SLC12A6: variants seen among roughly 807,000 people sequenced by gnomAD.
SLC12A6 encodes the protein K-Cl cotransporter 3.
In SLC12A6, 66 loss-of-function variants were observed where a neutral mutation model predicts 135.3. The ratio of observed to expected loss-of-function variants is 0.49; its 90% CI spans 0.40 to 0.60. The LOEUF (loss-of-function observed/expected upper bound fraction) is 0.60. SLC12A6 is among the 20% of genes least tolerant of loss of function. The probability of loss-of-function intolerance (pLI) is 0.00; values close to 1 mark genes in which losing one functional copy is unlikely to be tolerated. For synonymous variants in SLC12A6, 513 were observed against 508.8 expected (o/e 1.01, Z -0.11); for missense variants, 1,058 against 1,452.3 (o/e 0.73, Z 4.41).
chr15:34,242,744 T>C (rs900195684), intron 16 of SLC12A6, among the ~76,000 whole-genome samples: 1 of 152,082 alleles, frequency 6.6e-6, no homozygotes, highest in Non-Finnish European at 1.5e-5. Flanking sequence ...GAAAAATTAT[T>C]TTTGGGCCGG....
At chr15:34,301,199 C>G (rs1896233959) in intron 2 of SLC12A6, among the ~76,000 whole-genome samples, 1 of 152,098 alleles carries the variant, frequency 6.6e-6, no homozygotes, top group Non-Finnish European at 1.5e-5. Context: ...GAACTCCTGA[C>G]CTCAGGTGAG....
At chr15:34,265,714 G>C (rs543278065) in intron 3 of SLC12A6, among the ~76,000 whole-genome samples, 1 of 152,314 alleles carries the variant, frequency 6.6e-6, no homozygotes, top group Non-Finnish European at 1.5e-5. Context: ...GCTCTTGTGA[G>C]CTGGTATAAG....
At chr15:34,332,938 G>A (rs1889952220) in intron 2 of SLC12A6, among the ~76,000 whole-genome samples, 1 of 152,098 alleles carries the variant, frequency 6.6e-6, no homozygotes, top group South Asian at 2.1e-4. Flanking sequence ...AAAGTCAGGA[G>A]GCCTGAACTT....
At chr15:34,323,261 G>A (rs188751118) in intron 2 of SLC12A6, among the ~76,000 whole-genome samples, 74 of 152,218 alleles carry the variant, frequency 4.9e-4, no homozygotes, top group African/African-American at 1.4e-3. Context: ...CGCTGAAACA[G>A]TGCTCATCCC....
At chr15:34,311,497 G>A (rs1888254251) in intron 2 of SLC12A6, among the ~76,000 whole-genome samples, 1 of 152,146 alleles carries the variant, frequency 6.6e-6, no homozygotes, top group Non-Finnish European at 1.5e-5. Flanking sequence ...ATCAAAATCT[G>A]TGGCTCAGGC....
chr15:34,236,737 G>C lies in SLC12A6; in HGVS notation c.3013C>G (p.Arg1005Gly). The change falls in exon 23 of 26, where the codon CGG becomes GGG. Residue 1005 changes from arginine to glycine, a missense_variant. Coordinates refer to ENST00000354181, the MANE Select transcript of SLC12A6 (RefSeq NM_001365088.1). ...EQRSQMLRHM[R>G]LSKTERDREA... ...CTGTCTCGCTCTGTTTTGGATAGCC[G>C]CATGTGCCGGAGCATCTGGGACCTT... 1 of 1,605,554 alleles carries C rather than the reference G, an allele frequency of 6.2e-7. No individual in the cohort carries two copies. The highest frequency in any genetic ancestry group is 2.2e-5 in the East Asian group (1 of 44,854).
chr15:34,294,022 C>A (rs907986763), intron 2 of SLC12A6, among the ~76,000 whole-genome samples: 1 of 152,150 alleles, frequency 6.6e-6, no homozygotes, highest in Non-Finnish European at 1.5e-5. Context: ...TATTAATTCA[C>A]CAATCATTTT....
At chr15:34,243,191 CTCATA>C (rs1343444605) in intron 16 of SLC12A6, among the ~76,000 whole-genome samples, 1 of 152,146 alleles carries the variant, frequency 6.6e-6, no homozygotes, top group African/African-American at 2.4e-5. Flanking sequence ...CACGCCCGGC[CTCATA>C]AAGAACTTCT....
chr15:34,251,063 G>A lies in SLC12A6; in HGVS notation c.1334-6C>T, dbSNP rs777766923. 1.9e-6 allele frequency: 3 copies of A among 1,595,312 alleles called. No individual in the cohort carries two copies. Among genetic ancestry groups the A allele is most frequent in the African/African-American group, 2.7e-5 (2 of 73,900 alleles). ...GTAATTACTCCAAAGATTCTCTGCAGTGGGAAAAATGGGAATTTAAGCAGC... is the reference window on the plus strand; with the variant it reads ...GTAATTACTCCAAAGATTCTCTGCAATGGGAAAAATGGGAATTTAAGCAGC... On this transcript the variant is annotated splice_region_variant and splice_polypyrimidine_tract_variant and intron_variant, in intron 10 of 25. Transcript: ENST00000354181.
chr15:34,271,502 G>T (rs553947302), intron 3 of SLC12A6, among the ~76,000 whole-genome samples: 3 of 151,702 alleles, frequency 2.0e-5, no homozygotes, highest in African/African-American at 4.8e-5. Context: ...CAGAAGACTC[G>T]AATTATTTTT....
chr15:34,245,611 T>C, intron 14 of SLC12A6, 82 bp downstream of exon 14: 3 of 1,244,862 alleles, frequency 2.4e-6, no homozygotes, highest in Non-Finnish European at 3.6e-6. Context: ...TATGATCTAG[T>C]AATTTCTAAG....
chr15:34,329,364 A>G (rs941424781), intron 2 of SLC12A6, among the ~76,000 whole-genome samples: 6 of 152,268 alleles, frequency 3.9e-5, no homozygotes, highest in Admixed American at 6.5e-5. Flanking sequence ...AGCTTACAGC[A>G]TTATAAGTTG....
At position 34,252,188 on chromosome 15, in the gene SLC12A6, C is replaced by T; in HGVS notation, c.1315G>A (p.Ala439Thr). Residue 439 changes from alanine to threonine, a missense_variant, in exon 10 of 26, where the codon GCT (alanine) becomes ACT (threonine). By Grantham distance (58) the Ala-to-Thr change is moderately conservative. Transcript: ENST00000354181. ...VTSIQGIPGL[A>T]SGIITENLWS... is the part of the protein sequence containing the mutation. The stretch of plus-strand genomic sequence containing the variant: ...AACTTACCTGTAATTATACCACTAG[C>T]CAATCCAGGAATGCCCTGGATTGAA... 6.3e-7 allele frequency: 1 copy of T among 1,578,502 alleles called. No individual in the cohort carries two copies. Among genetic ancestry groups the T allele is most frequent in the South Asian group, 1.1e-5 (1 of 90,266 alleles).
intron 2 of SLC12A6, among the ~76,000 whole-genome samples, chr15:34,308,653 CA>C (rs1566858702): frequency 1.1e-5 from 1 of 87,698 alleles, no homozygotes; most frequent in Admixed American, 1.1e-4. Flanking sequence ...AAAAAAAAAA[CA>C]AACCAGATTG....
chr15:34,335,248 T>C (rs1175381649), intron 2 of SLC12A6, among the ~76,000 whole-genome samples: 1 of 152,212 alleles, frequency 6.6e-6, no homozygotes, highest in Non-Finnish European at 1.5e-5. Context: ...AAAAAATGAT[T>C]AGTCAAGGAT....
chr15:34,317,196 A>T (rs974958386), intron 2 of SLC12A6, among the ~76,000 whole-genome samples: 1 of 152,250 alleles, frequency 6.6e-6, no homozygotes, highest in Non-Finnish European at 1.5e-5. Context: ...GAGTTTACAT[A>T]AAATCTTTTT....
At chr15:34,254,724 C>CTA in intron 8 of SLC12A6, 135 bp from the exon 9 acceptor site, 1 of 679,838 alleles carries the variant, frequency 1.5e-6, no homozygotes, top group Non-Finnish European at 2.5e-6. Flanking sequence ...AGCCTAGTTT[C>CTA]TAATAGGATC....
intron 2 of SLC12A6, among the ~76,000 whole-genome samples, chr15:34,326,705 T>C (rs2141160320): frequency 6.6e-6 from 1 of 151,576 alleles, no homozygotes; most frequent in East Asian, 1.9e-4. Context: ...TTTTTTTTTT[T>C]TTTTGATACA....
At chr15:34,262,959 G>T (rs1416259386) in intron 3 of SLC12A6, among the ~76,000 whole-genome samples, 2 of 152,176 alleles carry the variant, frequency 1.3e-5, no homozygotes, top group Non-Finnish European at 2.9e-5. Context: ...CCTGGGCATG[G>T]ATGTTGCTGG....
Sources: allele counts gnomAD v4.1 joint callset (sites outside exome capture counted in the v4.1 genomes callset), GRCh38; gene constraint gnomAD v4.1.1; transcripts MANE v1.5; gene names NCBI Gene and HGNC (gene_info 2026-07-23, HGNC 2026-07-21).